Variants in CNTNAP5 observed in about 807,000 individuals in gnomAD.
CNTNAP5 encodes contactin-associated protein-like 5.
Under a neutral mutation model 150.2 loss-of-function variants are expected in CNTNAP5, and 72 were observed. The observed-to-expected ratio is 0.48, with a 90% CI of 0.40 to 0.58. The LOEUF (loss-of-function observed/expected upper bound fraction) is 0.58, where lower values mean the gene tolerates loss of function less well. CNTNAP5 is among the 20% of genes least tolerant of loss of function. The probability of loss-of-function intolerance (pLI) is 0.00; values close to 1 mark genes in which losing one functional copy is unlikely to be tolerated. For missense variants in CNTNAP5, 1,636 were observed against 1,626.2 expected (o/e 1.01, Z -0.10); for synonymous variants, 672 against 619.8 (o/e 1.08, Z -1.25).
intron 1 of CNTNAP5, among the ~76,000 whole-genome samples, chr2:124,068,109 C>T (rs995910193): frequency 5.4e-5 from 7 of 129,570 alleles, no homozygotes; most frequent in East Asian, 2.7e-4. Flanking sequence ...CATACACAAA[C>T]GCACATTTAC....
intron 7 of CNTNAP5, among the ~76,000 whole-genome samples, chr2:124,475,994 C>G (rs1693631093): frequency 6.6e-6 from 1 of 151,552 alleles, no homozygotes; most frequent in Non-Finnish European, 1.5e-5. Flanking sequence ...TTTTAAAATT[C>G]TATTTTTCTT....
chr2:124,678,706 G>T (rs1678998953), intron 13 of CNTNAP5, among the ~76,000 whole-genome samples: 1 of 151,832 alleles, frequency 6.6e-6, no homozygotes, highest in African/African-American at 2.4e-5. Context: ...CACCATTTTT[G>T]TCATGGCCTC....
chr2:124,253,098 C>T (rs1687227712), intron 3 of CNTNAP5, among the ~76,000 whole-genome samples: 1 of 151,720 alleles, frequency 6.6e-6, no homozygotes, highest in Non-Finnish European at 1.5e-5. Context: ...CACTTAACAT[C>T]ATCCATGGGT....
chr2:124,690,711 C>A (rs1230184802), intron 13 of CNTNAP5, among the ~76,000 whole-genome samples: 3 of 152,036 alleles, frequency 2.0e-5, no homozygotes, highest in Non-Finnish European at 4.4e-5. Context: ...GCCTAGAATA[C>A]CCCCATGTCT....
chr2:124,817,322 T>G (rs1004519561), intron 19 of CNTNAP5, among the ~76,000 whole-genome samples: 1 of 152,196 alleles, frequency 6.6e-6, no homozygotes, highest in African/African-American at 2.4e-5. Flanking sequence ...GTAGATGCAT[T>G]CCATTTGTAA....
intron 6 of CNTNAP5, among the ~76,000 whole-genome samples, chr2:124,462,281 G>A (rs546445372): frequency 2.6e-5 from 4 of 152,108 alleles, no homozygotes; most frequent in Non-Finnish European, 2.9e-5. Context: ...CTTGGCCTGG[G>A]CTCTGCCTGT....
intron 1 of CNTNAP5, among the ~76,000 whole-genome samples, chr2:124,071,437 A>T (rs1573732940): frequency 6.6e-6 from 1 of 152,034 alleles, no homozygotes; most frequent in East Asian, 1.9e-4. Context: ...GATAAACAAC[A>T]TTGGCAAACA....
chr2:124,252,333 C>T (rs1167260718), intron 3 of CNTNAP5, among the ~76,000 whole-genome samples: 2 of 152,116 alleles, frequency 1.3e-5, no homozygotes, highest in African/African-American at 2.4e-5. Flanking sequence ...TTCCTAAGTC[C>T]CCTTGCATCA....
At chr2:124,501,222 A>C (rs1226289006) in intron 7 of CNTNAP5, among the ~76,000 whole-genome samples, 3 of 152,230 alleles carry the variant, frequency 2.0e-5, no homozygotes, top group Non-Finnish European at 4.4e-5. Context: ...TAAGTACATA[A>C]AGTGAATTTA....
chr2:124,106,914 C>G (rs1016941657), intron 1 of CNTNAP5, among the ~76,000 whole-genome samples: 1 of 151,586 alleles, frequency 6.6e-6, no homozygotes, highest in African/African-American at 2.4e-5. Flanking sequence ...GTTCAACAAC[C>G]ATTGGTGCCT....
rs137891165 is a variant in CNTNAP5, at chr2:124,649,681, T to C, written c.2077+1723T>C. Among the ~76,000 whole-genome samples the C allele has an allele frequency of 1.7e-3, 263 of 152,292 alleles. 2 individuals are homozygous for C. Among genetic ancestry groups the C allele is most frequent in the African/African-American group, 5.8e-3 (243 of 41,562 alleles). ...AGGGCTTGATGCTGTCATTTACCAGTTATGTGACTTTGTGCAAGTTGCTCA... is the reference window on the plus strand; with the variant it reads ...AGGGCTTGATGCTGTCATTTACCAGCTATGTGACTTTGTGCAAGTTGCTCA... On this transcript the variant is annotated intron_variant, in intron 13 of 23. Transcript: ENST00000682447.
chr2:124,457,864 T>C (rs1002038630), intron 6 of CNTNAP5, among the ~76,000 whole-genome samples: 1 of 152,122 alleles, frequency 6.6e-6, no homozygotes, highest in African/African-American at 2.4e-5. Flanking sequence ...CACAATGTGA[T>C]ACCATCTTAC....
In CNTNAP5 at chr2:124,353,486, G is replaced by A. The variant is rs545423317; in HGVS notation, c.382-63957G>A. 9.2e-5 allele frequency among the ~76,000 whole-genome samples: 14 copies of A among 152,144 alleles called. No individual in the cohort carries two copies. In the South Asian group the frequency reaches 2.9e-3, roughly 32 times the overall value. On this transcript the variant is annotated intron_variant, in intron 3 of 23. Coordinates refer to ENST00000682447, the MANE Select transcript of CNTNAP5 (RefSeq NM_001367498.1). ...TGCAAACAGCAAGGTTGTCTGCCTG[G>A]AAGTAGCATGCTCTTGGGTCAGACA...
chr2:124,508,499 G>A (rs866580866), intron 8 of CNTNAP5, among the ~76,000 whole-genome samples: 9 of 152,152 alleles, frequency 5.9e-5, no homozygotes, highest in African/African-American at 2.2e-4. Context: ...GAAGGCCCTG[G>A]CAGCACATTG....
chr2:124,619,990 C>A lies in CNTNAP5; in HGVS notation c.1876+10070C>A, dbSNP rs572771365. On this transcript the variant is annotated intron_variant, in intron 12 of 23. Coordinates refer to ENST00000682447, the MANE Select transcript of CNTNAP5 (RefSeq NM_001367498.1). ...TTCAGGTAGTTCTGTCTCTGGACAA[C>A]CCTGACTCATCCATTTGGGTGTCTC... 3.3e-5 allele frequency among the ~76,000 whole-genome samples: 5 copies of A among 149,432 alleles called. No individual in the cohort carries two copies. In the East Asian group the frequency reaches 9.9e-4, roughly 30 times the overall value.
intron 7 of CNTNAP5, among the ~76,000 whole-genome samples, chr2:124,499,300 T>C (rs113737862): frequency 6.6e-6 from 1 of 152,280 alleles, no homozygotes; most frequent in African/African-American, 2.4e-5. Flanking sequence ...TAGCTAATTA[T>C]TACAAGGCAG....
chr2:124,176,667 A>T (rs1313832856), intron 1 of CNTNAP5, among the ~76,000 whole-genome samples: 1 of 152,018 alleles, frequency 6.6e-6, no homozygotes, highest in Non-Finnish European at 1.5e-5. Flanking sequence ...ATAGAGTATG[A>T]TCTAATGTTT....
intron 8 of CNTNAP5, among the ~76,000 whole-genome samples, chr2:124,507,947 G>A (rs2089104): frequency 0.85 from 129,436 of 152,186 alleles, 55,210 homozygotes; most frequent in East Asian, 1. Context: ...ATGGCATCTC[G>A]TCACTTCTGT....
chr2:124,199,037 A>G (rs1197459872), intron 1 of CNTNAP5, among the ~76,000 whole-genome samples: 1 of 152,154 alleles, frequency 6.6e-6, no homozygotes, highest in Non-Finnish European at 1.5e-5. Context: ...TCACACGGCA[A>G]TTACTACAGA....
Sources: gnomAD v4.1 joint callset for allele counts (sites outside exome capture counted in the v4.1 genomes callset) on GRCh38, gnomAD v4.1.1 for gene constraint, MANE v1.5 for transcripts, NCBI Gene and HGNC (gene_info 2026-07-23, HGNC 2026-07-21) for gene names.